The following SREBF2 variants were observed in gnomAD, a reference collection of about 807,000 sequenced individuals.
The protein encoded by SREBF2 is sterol regulatory element-binding protein 2.
SREBF2 carries 55 observed loss-of-function variants against 113.1 expected under a neutral mutation model. The ratio of observed to expected loss-of-function variants is 0.49; its 90% confidence interval spans 0.39 to 0.61. SREBF2 has a LOEUF of 0.61. SREBF2 is among the 20% of genes least tolerant of loss of function. SREBF2 has a pLI of 0.00. For synonymous variants in SREBF2, 593 were observed against 605.7 expected, an observed-to-expected ratio of 0.98 and a Z score of 0.31; for missense variants, 1,349 against 1,487.4, an observed-to-expected ratio of 0.91 and a Z score of 1.53.
At chr22:41,878,594 CTA>C in intron 9 of SREBF2, 1 of 1,106,308 alleles carries the variant, frequency 9.0e-7, no homozygotes, top group Non-Finnish European at 1.2e-6. Flanking sequence ...TCCCAATTCT[CTA>C]TAGAACCAGG....
chr22:41,846,978 C>A (rs1341169092), intron 1 of SREBF2, among the ~76,000 whole-genome samples: 1 of 152,180 alleles, frequency 6.6e-6, no homozygotes, highest in Non-Finnish European at 1.5e-5. Flanking sequence ...CCACACAAGG[C>A]ACATAGGATC....
At chr22:41,881,888 G>C (rs1157442164) in intron 10 of SREBF2, among the ~76,000 whole-genome samples, 2 of 151,940 alleles carry the variant, frequency 1.3e-5, no homozygotes, top group African/African-American at 4.8e-5. Flanking sequence ...CCTGGACAAC[G>C]TGGCAAAACC....
At chr22:41,869,510 T>C (rs1357283790) in intron 3 of SREBF2, among the ~76,000 whole-genome samples, 1 of 150,876 alleles carries the variant, frequency 6.6e-6, no homozygotes, top group African/African-American at 2.4e-5. Flanking sequence ...TTGGAGACAG[T>C]TTTGCTCTTG....
chr22:41,893,201 CT>C lies in SREBF2; in HGVS notation c.2294del (p.Leu765ArgfsTer13). 1.2e-6 allele frequency: 2 copies of C among 1,614,206 alleles called. No homozygotes were observed. The highest frequency in any genetic ancestry group is 1.7e-5 in the Admixed American group (1 of 60,028). ...CTCCCTGCGCTGGCTCTGCCACCCC[CT>C]GGGCCAGAAGTTTTTCATGGAGCGG... ...PDSLRWLCHP[L>X]GQKFFMERSW... is the part of the protein sequence containing the mutation. On this transcript the variant is annotated frameshift_variant, in exon 12 of 19. Coordinates refer to ENST00000361204, the MANE Select transcript of SREBF2 (RefSeq NM_004599.4). LOFTEE classifies it high-confidence loss of function.
intron 1 of SREBF2, among the ~76,000 whole-genome samples, chr22:41,853,967 G>A (rs867687518): frequency 2.0e-5 from 3 of 150,840 alleles, no homozygotes; most frequent in Non-Finnish European, 4.4e-5. Context: ...CCCGGGAGGC[G>A]GAGCTTGCAG....
chr22:41,870,094 T>A (rs2077125845), intron 3 of SREBF2, among the ~76,000 whole-genome samples: 1 of 152,186 alleles, frequency 6.6e-6, no homozygotes, highest in South Asian at 2.1e-4. Context: ...GACCTCATGA[T>A]CCACCTGCCT....
intron 10 of SREBF2, 152 bp from the exon 11 acceptor site, chr22:41,884,690 G>A (rs776300168): frequency 5.0e-6 from 4 of 800,270 alleles, no homozygotes; most frequent in Non-Finnish European, 8.6e-6. Flanking sequence ...CACAGAGCCT[G>A]GCATCCCATC....
chr22:41,882,045 A>G (rs2077250586), intron 10 of SREBF2, among the ~76,000 whole-genome samples: 1 of 152,094 alleles, frequency 6.6e-6, no homozygotes, highest in African/African-American at 2.4e-5. Flanking sequence ...GCACTCCAAA[A>G]AAAAAAGTTT....
At chr22:41,859,799 CTTTTTTTTTTTTTTTT>C (rs1174473976) in intron 1 of SREBF2, among the ~76,000 whole-genome samples, 13 of 54,346 alleles carry the variant, frequency 2.4e-4, no homozygotes, top group Admixed American at 1.1e-3. Flanking sequence ...TATGGTGATT[CTTTTTTTTTTTTTTTT>C]TTTTTTTTTT....
intron 1 of SREBF2, among the ~76,000 whole-genome samples, chr22:41,853,111 C>G (rs2076947431): frequency 1.3e-5 from 2 of 152,154 alleles, no homozygotes; most frequent in Admixed American, 1.3e-4. Context: ...CCTCTGCCTC[C>G]TCAACCCCAT....
chr22:41,865,451 AG>A (rs377728385), intron 1 of SREBF2, among the ~76,000 whole-genome samples: 158 of 152,304 alleles, frequency 1.0e-3, no homozygotes, highest in African/African-American at 3.5e-3. Context: ...TGACTTCTAT[AG>A]GGACCAGTCA....
chr22:41,889,036 C>T (rs1311557143), intron 11 of SREBF2, among the ~76,000 whole-genome samples: 3 of 152,170 alleles, frequency 2.0e-5, no homozygotes, highest in Non-Finnish European at 4.4e-5. Flanking sequence ...ACTTGCTCAA[C>T]TCATGACTCA....
intron 9 of SREBF2, chr22:41,878,835 C>T (rs2077220923): frequency 2.0e-6 from 2 of 980,122 alleles, no homozygotes; most frequent in Non-Finnish European, 2.9e-6. Flanking sequence ...CATCCTGGAT[C>T]TGTCAGCCTT....
At chr22:41,903,241 T>C in intron 17 of SREBF2, 86 bp downstream of exon 17, 1 of 1,494,104 alleles carries the variant, frequency 6.7e-7, no homozygotes, top group South Asian at 1.2e-5. Flanking sequence ...CAGCATGTGG[T>C]TGTGGAGTTG....
chr22:41,880,996 AG>A lies in SREBF2; in HGVS notation c.2038+9del. The A allele has an allele frequency of 6.2e-7, 1 of 1,605,370 alleles. No individual in the cohort carries two copies. The highest frequency in any genetic ancestry group is 8.5e-7 in the Non-Finnish European group (1 of 1,179,740). On this transcript the variant is annotated splice_donor_5th_base_variant and intron_variant, in intron 10 of 18. Transcript: ENST00000361204. ...CTGCACCAGCTGCACATCACAGGTG[AG>A]GGGGCAGCTGCTGCTGCCTGGCTTG...
intron 4 of SREBF2, among the ~76,000 whole-genome samples, chr22:41,872,700 G>A (rs562155205): frequency 1.3e-5 from 2 of 152,114 alleles, no homozygotes; most frequent in South Asian, 4.2e-4. Context: ...AGATCAGCCT[G>A]GCCAACATGA....
intron 8 of SREBF2, 88 bp downstream of exon 8, chr22:41,877,509 A>T: frequency 6.8e-7 from 1 of 1,475,420 alleles, no homozygotes; most frequent in Non-Finnish European, 9.3e-7. Flanking sequence ...TGGCTTGGCT[A>T]CCAGGTCCCA....
In SREBF2 at chr22:41,905,851, C is replaced by G; in HGVS notation, c.*191C>G. ...CTGCTGTCACTAGATGCCCATGGTC[C>G]AGGGCCTGGTGGGCGTGAGAGGATA... On this transcript the variant is annotated 3_prime_UTR_variant, in exon 19 of 19. Transcript: ENST00000361204. 4 of 743,858 alleles carry G rather than the reference C, an allele frequency of 5.4e-6. No individual in the cohort carries two copies. The Admixed American group carries it at 8.0e-5, about 15-fold the overall frequency. 46.1% of individuals were successfully genotyped at this position (743,858 alleles called of 1,614,324 possible).
chr22:41,894,306 A>C (rs898056497), intron 12 of SREBF2, among the ~76,000 whole-genome samples: 6 of 152,178 alleles, frequency 3.9e-5, no homozygotes, highest in Non-Finnish European at 8.8e-5. Context: ...ACAGTCAGCT[A>C]TCCAAGCATT....
Sources: gnomAD v4.1 joint callset for allele counts (sites outside exome capture counted in the v4.1 genomes callset) on GRCh38, gnomAD v4.1.1 for gene constraint, MANE v1.5 for transcripts, NCBI Gene and HGNC (gene_info 2026-07-23, HGNC 2026-07-21) for gene names.